Variants in FHIT observed in about 807,000 individuals in gnomAD.
The protein encoded by FHIT is bis(5'-adenosyl)-triphosphatase.
Under a neutral mutation model 17.9 loss-of-function variants are expected in FHIT, and 19 were observed. The ratio of observed to expected loss-of-function variants is 1.06; its 90% CI spans 0.74 to 1.56. The LOEUF (loss-of-function observed/expected upper bound fraction) is 1.56. FHIT is among the 40% of genes most tolerant of loss of function. The pLI, the probability that FHIT is intolerant of heterozygous loss-of-function variation, is 0.00. For missense variants in FHIT, 248 were observed against 189.2 expected (o/e 1.31, Z -1.82); for synonymous variants, 81 against 69.7 (o/e 1.16, Z -0.81).
At chr3:60,219,629 T>TA (rs2107530900) in intron 5 of FHIT, among the ~76,000 whole-genome samples, 1 of 152,262 alleles carries the variant, frequency 6.6e-6, no homozygotes, top group African/African-American at 2.4e-5. Flanking sequence ...TGTTTACTTT[T>TA]GTTGAAATGT....
At chr3:60,036,510 A>T (rs1452889960) in intron 5 of FHIT, among the ~76,000 whole-genome samples, 1 of 152,214 alleles carries the variant, frequency 6.6e-6, no homozygotes, top group Admixed American at 6.5e-5. Context: ...CCTGGAGGCT[A>T]GTAATACGTG....
chr3:61,017,486 A>G (rs1003786103), intron 3 of FHIT, among the ~76,000 whole-genome samples: 1 of 152,210 alleles, frequency 6.6e-6, no homozygotes, highest in Non-Finnish European at 1.5e-5. Flanking sequence ...GTTTTGAAAA[A>G]ATTAGGCCTT....
At chr3:59,977,472 A>T (rs992491377) in intron 7 of FHIT, among the ~76,000 whole-genome samples, 6 of 152,202 alleles carry the variant, frequency 3.9e-5, no homozygotes, top group South Asian at 2.1e-4. Context: ...AGAATCCACC[A>T]TTGGCCACAA....
At chr3:60,237,858 G>A (rs547588453) in intron 5 of FHIT, among the ~76,000 whole-genome samples, 115 of 152,208 alleles carry the variant, frequency 7.6e-4, no homozygotes, top group Middle Eastern at 3.4e-3. Flanking sequence ...TTTGTGGGCC[G>A]GGCATGGTGG....
intron 5 of FHIT, among the ~76,000 whole-genome samples, chr3:60,535,166 C>T (rs2035936146): frequency 6.6e-6 from 1 of 152,134 alleles, no homozygotes; most frequent in Non-Finnish European, 1.5e-5. Flanking sequence ...AGAGATTGTA[C>T]TGAGCCAAGA....
intron 5 of FHIT, among the ~76,000 whole-genome samples, chr3:60,499,455 G>C (rs2034433483): frequency 6.6e-6 from 1 of 151,978 alleles, no homozygotes; most frequent in African/African-American, 2.4e-5. Context: ...GCAGTGGCGA[G>C]ATCTCGGCTC....
chr3:61,008,358 T>G (rs2031581022), intron 3 of FHIT, among the ~76,000 whole-genome samples: 1 of 152,204 alleles, frequency 6.6e-6, no homozygotes, highest in East Asian at 1.9e-4. Context: ...AGTCACTAAC[T>G]GATTCCTGCT....
At chr3:60,325,568 A>G (rs558028533) in intron 5 of FHIT, among the ~76,000 whole-genome samples, 1 of 152,354 alleles carries the variant, frequency 6.6e-6, no homozygotes, top group South Asian at 2.1e-4. Flanking sequence ...CTCTTCTCTA[A>G]ATTTATTCTG....
intron 5 of FHIT, among the ~76,000 whole-genome samples, chr3:60,061,980 G>GA (rs780911770): frequency 4.6e-5 from 7 of 152,062 alleles, no homozygotes; most frequent in Admixed American, 3.3e-4. Context: ...GCTAGAAGGG[G>GA]AAAAAATGAA....
At chr3:59,796,879 T>C (rs77805179) in intron 8 of FHIT, among the ~76,000 whole-genome samples, 2,275 of 152,316 alleles carry the variant, frequency 0.015, 60 homozygotes, top group African/African-American at 0.052. Flanking sequence ...CATATATTAA[T>C]AGAAGCCCAA....
intron 5 of FHIT, among the ~76,000 whole-genome samples, chr3:60,078,952 G>C (rs915906299): frequency 1.3e-5 from 2 of 151,826 alleles, no homozygotes; most frequent in African/African-American, 4.8e-5. Context: ...AGTTAAAAAA[G>C]AAAAGAGAGG....
At chr3:61,176,949 G>A (rs1301409924) in intron 2 of FHIT, among the ~76,000 whole-genome samples, 7 of 152,150 alleles carry the variant, frequency 4.6e-5, no homozygotes, top group Admixed American at 2.0e-4. Context: ...GCCGAGGCGG[G>A]CAGATCACGA....
intron 5 of FHIT, among the ~76,000 whole-genome samples, chr3:60,159,988 C>T (rs897251260): frequency 2.0e-5 from 3 of 152,146 alleles, no homozygotes; most frequent in African/African-American, 4.8e-5. Context: ...GTAAAAATTA[C>T]GGACATAGGA....
chr3:59,901,217 T>C (rs1704314721), intron 8 of FHIT, among the ~76,000 whole-genome samples: 1 of 152,240 alleles, frequency 6.6e-6, no homozygotes, highest in Admixed American at 6.5e-5. Context: ...TAGTGAAGAA[T>C]ATGAGAGTGG....
At chr3:60,962,968 C>A (rs1357924022) in intron 3 of FHIT, among the ~76,000 whole-genome samples, 1 of 152,154 alleles carries the variant, frequency 6.6e-6, no homozygotes, top group Non-Finnish European at 1.5e-5. Flanking sequence ...AGGATTTCCT[C>A]TTTTTCTCTT....
chr3:60,988,912 C>CTTTTTT (rs34551612), intron 3 of FHIT, among the ~76,000 whole-genome samples: 1 of 80,302 alleles, frequency 1.2e-5, no homozygotes, highest in African/African-American at 5.0e-5. Flanking sequence ...TGTTAAAAGG[C>CTTTTTT]TTTTTTTTTT....
At chr3:59,927,240 C>G (rs182454419) in intron 7 of FHIT, among the ~76,000 whole-genome samples, 16 of 152,152 alleles carry the variant, frequency 1.1e-4, no homozygotes, top group Admixed American at 8.5e-4. Flanking sequence ...ATGAAAAAGC[C>G]AAATGAGGCT....
intron 3 of FHIT, among the ~76,000 whole-genome samples, chr3:60,986,866 G>A (rs1268570784): frequency 6.6e-6 from 1 of 152,082 alleles, no homozygotes; most frequent in Non-Finnish European, 1.5e-5. Flanking sequence ...TTCTTGTCTT[G>A]TCCATTTAAA....
At chr3:59,775,220 A>G (rs749239240) in intron 8 of FHIT, among the ~76,000 whole-genome samples, 1 of 152,126 alleles carries the variant, frequency 6.6e-6, no homozygotes, top group Admixed American at 6.5e-5. Context: ...AGGGTTTGCA[A>G]TGAACGGCAA....
Sources: gnomAD v4.1 joint callset for allele counts (sites outside exome capture counted in the v4.1 genomes callset) on GRCh38, gnomAD v4.1.1 for gene constraint, MANE v1.5 for transcripts, NCBI Gene and HGNC (gene_info 2026-07-23, HGNC 2026-07-21) for gene names.